KCNIP4: variants seen among roughly 807,000 people sequenced by gnomAD.
KCNIP4 encodes potassium voltage-gated channel interacting protein 4.
KCNIP4 carries 12 observed loss-of-function variants against 34.0 expected under a neutral mutation model. The observed-to-expected ratio is 0.35, with a 90% CI of 0.23 to 0.57. KCNIP4 has a LOEUF of 0.57. KCNIP4 is among the 20% of genes least tolerant of loss of function. The pLI, the probability that KCNIP4 is intolerant of heterozygous loss-of-function variation, is 0.83. For synonymous variants in KCNIP4, 124 were observed against 102.2 expected (o/e 1.21, Z -1.29); for missense variants, 238 against 311.7 (o/e 0.76, Z 1.78).
chr4:21,559,214 A>T (rs1018382051), intron 1 of KCNIP4, among the ~76,000 whole-genome samples: 2 of 152,130 alleles, frequency 1.3e-5, no homozygotes, highest in African/African-American at 2.4e-5. Context: ...ATCATCAGCA[A>T]ATAAATTGGG....
intron 1 of KCNIP4, among the ~76,000 whole-genome samples, chr4:21,371,148 G>T (rs1246255010): frequency 6.9e-6 from 1 of 144,134 alleles, no homozygotes; most frequent in Non-Finnish European, 1.5e-5. Context: ...TCCATTACAG[G>T]CATAGATGTT....
intron 1 of KCNIP4, among the ~76,000 whole-genome samples, chr4:21,284,753 T>TGC (rs1763000687): frequency 6.6e-6 from 1 of 151,776 alleles, no homozygotes; most frequent in Non-Finnish European, 1.5e-5. Context: ...TGTGTGTGTG[T>TGC]GTGTGTGCGT....
chr4:21,142,896 CAT>C (rs372380046), intron 1 of KCNIP4, among the ~76,000 whole-genome samples: 5 of 152,224 alleles, frequency 3.3e-5, no homozygotes, highest in African/African-American at 1.2e-4. Context: ...ACTCATTTGG[CAT>C]TTTCATATTC....
chr4:21,865,945 G>A (rs544976387), intron 1 of KCNIP4, among the ~76,000 whole-genome samples: 3 of 149,216 alleles, frequency 2.0e-5, no homozygotes, highest in Non-Finnish European at 4.5e-5. Context: ...ATATATGGTG[G>A]CAAATGTATG....
intron 1 of KCNIP4, among the ~76,000 whole-genome samples, chr4:21,654,808 C>T (rs1747793936): frequency 1.3e-5 from 2 of 152,180 alleles, no homozygotes; most frequent in South Asian, 2.1e-4. Flanking sequence ...CCTGTAGTCC[C>T]AGCTACTTGG....
chr4:21,256,126 C>A (rs942749320), intron 1 of KCNIP4, among the ~76,000 whole-genome samples: 3 of 152,120 alleles, frequency 2.0e-5, no homozygotes, highest in Non-Finnish European at 4.4e-5. Context: ...TAAGAAACTA[C>A]TTCTATGTGG....
intron 1 of KCNIP4, among the ~76,000 whole-genome samples, chr4:21,273,265 A>T (rs1560240057): frequency 1.3e-5 from 2 of 152,236 alleles, no homozygotes; most frequent in East Asian, 3.9e-4. Context: ...GCCTAATCAG[A>T]CCTACCTACT....
Position 20,734,319 on chromosome 4 carries a change from G to A in KCNIP4, c.537+309C>T, listed in dbSNP as rs139640899. 2.3e-3 allele frequency among the ~76,000 whole-genome samples: 353 copies of A among 152,220 alleles called. 8 individuals carry two copies. The South Asian group carries it at 0.046, about 20-fold the overall frequency. Reference sequence around the variant, plus strand: ...GGAAAAGAAAGGCTTCAGGCTAAATGTTGAAACATGGGTTGGATACATTTT... The same window carrying A: ...GGAAAAGAAAGGCTTCAGGCTAAATATTGAAACATGGGTTGGATACATTTT... On this transcript the variant is annotated intron_variant, in intron 6 of 8. Coordinates refer to ENST00000382152, the MANE Select transcript of KCNIP4 (RefSeq NM_025221.6).
intron 1 of KCNIP4, among the ~76,000 whole-genome samples, chr4:21,279,511 A>G (rs945476970): frequency 2.8e-5 from 4 of 140,844 alleles, no homozygotes; most frequent in African/African-American, 7.6e-5. Flanking sequence ...ACATACATAC[A>G]TATACACACA....
intron 1 of KCNIP4, among the ~76,000 whole-genome samples, chr4:21,139,241 C>T (rs1751747639): frequency 6.6e-6 from 1 of 152,124 alleles, no homozygotes; most frequent in African/African-American, 2.4e-5. Flanking sequence ...TTACTCGTTT[C>T]AATTATTTGC....
In KCNIP4 at chr4:21,229,639, A is replaced by G. The variant is rs115993705; in HGVS notation, c.62-346930T>C. Among the ~76,000 whole-genome samples, 445 of 152,272 alleles carry G rather than the reference A, an allele frequency of 2.9e-3. 2 individuals carry two copies. Among genetic ancestry groups the G allele is most frequent in the Middle Eastern group, 0.01 (3 of 294 alleles). ...CAAAGAGTGTTTTGCACTGCATAAT[A>G]CAGAAGATGGAGAGAGGATGCACAG... On this transcript the variant is annotated intron_variant, in intron 1 of 8. Transcript: ENST00000382152.
intron 1 of KCNIP4, among the ~76,000 whole-genome samples, chr4:21,190,510 G>C (rs1432634307): frequency 3.3e-5 from 5 of 151,762 alleles, no homozygotes; most frequent in Non-Finnish European, 5.9e-5. Context: ...AGTGGGTGGG[G>C]GGGGGCACTG....
chr4:21,537,876 G>A (rs2108991774), intron 1 of KCNIP4, among the ~76,000 whole-genome samples: 1 of 151,992 alleles, frequency 6.6e-6, no homozygotes, highest in South Asian at 2.1e-4. Flanking sequence ...GCTGGGCTTG[G>A]TGGCACATGC....
intron 1 of KCNIP4, among the ~76,000 whole-genome samples, chr4:21,816,540 T>C (rs1331307947): frequency 6.6e-6 from 1 of 152,100 alleles, no homozygotes; most frequent in African/African-American, 2.4e-5. Flanking sequence ...CAGTCAGTTG[T>C]TCACGTCTCC....
chr4:20,913,319 G>A (rs2149573509), intron 1 of KCNIP4, among the ~76,000 whole-genome samples: 1 of 152,236 alleles, frequency 6.6e-6, no homozygotes, highest in Admixed American at 6.5e-5. Context: ...TTTATATGAA[G>A]TGTCCAGGTT....
intron 1 of KCNIP4, among the ~76,000 whole-genome samples, chr4:21,633,145 T>C (rs762701168): frequency 6.6e-6 from 1 of 152,198 alleles, no homozygotes; most frequent in Non-Finnish European, 1.5e-5. Flanking sequence ...TATAAGTTTA[T>C]TGCACCCATT....
intron 1 of KCNIP4, among the ~76,000 whole-genome samples, chr4:21,415,327 C>T (rs1190964099): frequency 6.6e-6 from 1 of 151,892 alleles, no homozygotes; most frequent in African/African-American, 2.4e-5. Flanking sequence ...TACTTTCTGT[C>T]CATGGACAGA....
intron 1 of KCNIP4, among the ~76,000 whole-genome samples, chr4:21,777,771 T>A (rs1719279765): frequency 6.6e-6 from 1 of 152,212 alleles, no homozygotes; most frequent in South Asian, 2.1e-4. Flanking sequence ...GCTTTATTTG[T>A]TTATATTTTT....
At chr4:20,906,544 TTCA>T (rs1376563765) in intron 1 of KCNIP4, among the ~76,000 whole-genome samples, 1 of 152,146 alleles carries the variant, frequency 6.6e-6, no homozygotes, top group Non-Finnish European at 1.5e-5. Flanking sequence ...AGTCAAAACT[TTCA>T]TTTGCTCCCC....
Sources: allele counts gnomAD v4.1 joint callset (sites outside exome capture counted in the v4.1 genomes callset), GRCh38; gene constraint gnomAD v4.1.1; transcripts MANE v1.5; gene names NCBI Gene and HGNC (gene_info 2026-07-23, HGNC 2026-07-21).